Variants in LDLRAD4 observed in about 807,000 individuals in gnomAD.
The protein encoded by LDLRAD4 is low-density lipoprotein receptor class A domain-containing protein 4.
A neutral mutation model predicts 17.0 loss-of-function variants in LDLRAD4; 5 were observed. The observed-to-expected ratio is 0.29, with a 90% CI of 0.15 to 0.62. LDLRAD4 has a LOEUF of 0.62. Ranked by LOEUF, LDLRAD4 falls within the 20% of genes least tolerant of loss-of-function variation. LDLRAD4 has a pLI of 0.84. For synonymous variants in LDLRAD4, 168 were observed against 171.8 expected, an observed-to-expected ratio of 0.98 and a Z score of 0.17; for missense variants, 340 against 424.7, an observed-to-expected ratio of 0.80 and a Z score of 1.75.
chr18:13,262,881 T>C (rs1367919747), intron 1 of LDLRAD4, among the ~76,000 whole-genome samples: 5 of 107,322 alleles, frequency 4.7e-5, no homozygotes, highest in African/African-American at 7.5e-5. Flanking sequence ...CGTGCGGCCC[T>C]GTGCGTGGGG....
intron 3 of LDLRAD4, among the ~76,000 whole-genome samples, chr18:13,468,939 G>A (rs930984571): frequency 3.3e-5 from 5 of 151,928 alleles, no homozygotes; most frequent in South Asian, 2.1e-4. Flanking sequence ...AACATGGCAC[G>A]TGTATACATA....
chr18:13,611,458 T>G, intron 3 of LDLRAD4: 1 of 985,312 alleles, frequency 1.0e-6, no homozygotes, highest in Non-Finnish European at 1.2e-6. Flanking sequence ...GCCCTGAATT[T>G]TCTTCACACA....
At chr18:13,379,212 A>G (rs2085153950) in intron 1 of LDLRAD4, among the ~76,000 whole-genome samples, 1 of 152,356 alleles carries the variant, frequency 6.6e-6, no homozygotes. Flanking sequence ...GCCCCTTTGT[A>G]TAAGGCTCTT....
At chr18:13,273,845 C>T (rs1017990198), upstream of LDLRAD4, among the ~76,000 whole-genome samples, 10 of 152,190 alleles carry the variant, frequency 6.6e-5, no homozygotes, top group Admixed American at 6.5e-4. Flanking sequence ...TGGTGCCTGT[C>T]CCTTTTCAGG....
intron 3 of LDLRAD4, among the ~76,000 whole-genome samples, chr18:13,470,115 C>T (rs1241166041): frequency 6.6e-6 from 1 of 152,050 alleles, no homozygotes; most frequent in Non-Finnish European, 1.5e-5. Context: ...GAGCAGTTGC[C>T]CTTTGACATA....
chr18:13,234,658 CAG>C (rs1345083553), intron 1 of LDLRAD4, among the ~76,000 whole-genome samples: 1 of 152,142 alleles, frequency 6.6e-6, no homozygotes, highest in Non-Finnish European at 1.5e-5. Flanking sequence ...TCAGTGCAAA[CAG>C]AAAGTCCTGC....
chr18:13,280,783 A>T (rs2045221408), intron 1 of LDLRAD4, among the ~76,000 whole-genome samples: 1 of 152,198 alleles, frequency 6.6e-6, no homozygotes, highest in Non-Finnish European at 1.5e-5. Flanking sequence ...TCCTTAAGGG[A>T]TCTGAAGGCA....
intron 1 of LDLRAD4, among the ~76,000 whole-genome samples, chr18:13,322,744 A>G (rs1305595354): frequency 6.7e-6 from 1 of 149,834 alleles, no homozygotes; most frequent in East Asian, 2.0e-4. Flanking sequence ...CAGCCTCCCC[A>G]GTAGCTGGGA....
intron 3 of LDLRAD4, among the ~76,000 whole-genome samples, chr18:13,504,382 A>G (rs1014096859): frequency 1.3e-5 from 2 of 152,214 alleles, no homozygotes; most frequent in Non-Finnish European, 2.9e-5. Context: ...ACTCAGAGAG[A>G]ACTAAGCCAT....
chr18:13,430,378 T>C (rs1225521005), intron 2 of LDLRAD4, among the ~76,000 whole-genome samples: 2 of 152,172 alleles, frequency 1.3e-5, no homozygotes, highest in African/African-American at 4.8e-5. Flanking sequence ...CCGATGAGGG[T>C]GTATTAAAAG....
intron 2 of LDLRAD4, among the ~76,000 whole-genome samples, chr18:13,411,399 T>C (rs1345647469): frequency 6.6e-6 from 1 of 152,240 alleles, no homozygotes; most frequent in East Asian, 1.9e-4. Flanking sequence ...AATATGTTAC[T>C]ACTTCCAAGT....
rs73406344 is a variant in LDLRAD4 at position 13,453,508 on chromosome 18, A to G, written c.181+15124A>G. On this transcript the variant is annotated intron_variant, in intron 3 of 5. Transcript: ENST00000359446. ...GCTGCCGGCAAGGAAGGCAGGTTTG[A>G]TCCCTGGAGTCACTTGTGACGCAAA... Among the ~76,000 whole-genome samples, 1,218 of 152,138 alleles carry G rather than the reference A, an allele frequency of 8.0e-3. 14 individuals carry two copies. The highest frequency in any genetic ancestry group is 0.028 in the African/African-American group (1,165 of 41,528).
At chr18:13,526,923 A>G (rs2094041221) in intron 3 of LDLRAD4, among the ~76,000 whole-genome samples, 1 of 151,650 alleles carries the variant, frequency 6.6e-6, no homozygotes, top group South Asian at 2.1e-4. Context: ...TCCTTCCCTG[A>G]GTGGTGTCCT....
At chr18:13,545,182 C>G (rs1334320212) in intron 3 of LDLRAD4, among the ~76,000 whole-genome samples, 1 of 151,938 alleles carries the variant, frequency 6.6e-6, no homozygotes, top group Non-Finnish European at 1.5e-5. Flanking sequence ...TGATGGAGTA[C>G]CTGGGAAGAT....
At chr18:13,583,072 G>C (rs965754248) in intron 3 of LDLRAD4, among the ~76,000 whole-genome samples, 1 of 151,958 alleles carries the variant, frequency 6.6e-6, no homozygotes, top group Admixed American at 6.6e-5. Flanking sequence ...GCTCTTTTTG[G>C]TCTCTGGGTC....
intron 1 of LDLRAD4, among the ~76,000 whole-genome samples, chr18:13,296,726 CA>C (rs2046300856): frequency 6.6e-6 from 1 of 152,086 alleles, no homozygotes; most frequent in South Asian, 2.1e-4. Flanking sequence ...ATAATAAAAA[CA>C]AGAAAATTTA....
At chr18:13,254,745 T>C (rs1198434394) in intron 1 of LDLRAD4, among the ~76,000 whole-genome samples, 1 of 152,326 alleles carries the variant, frequency 6.6e-6, no homozygotes, top group East Asian at 1.9e-4. Context: ...GGAGGATCAT[T>C]TGAGCCCAAG....
chr18:13,589,017 C>T (rs2094973567), intron 3 of LDLRAD4, among the ~76,000 whole-genome samples: 1 of 151,592 alleles, frequency 6.6e-6, no homozygotes, highest in South Asian at 2.1e-4. Flanking sequence ...TAACCTCCGC[C>T]TCCCAGGCTC....
chr18:13,249,685 C>T (rs1287659142), intron 1 of LDLRAD4, among the ~76,000 whole-genome samples: 1 of 151,752 alleles, frequency 6.6e-6, no homozygotes, highest in Non-Finnish European at 1.5e-5. Flanking sequence ...GGTATGTCCT[C>T]TGATTCTGTA....
Sources: gnomAD v4.1 joint callset for allele counts (sites outside exome capture counted in the v4.1 genomes callset) on GRCh38, gnomAD v4.1.1 for gene constraint, MANE v1.5 for transcripts, NCBI Gene and HGNC (gene_info 2026-07-23, HGNC 2026-07-21) for gene names.